The following CNTNAP4 variants were observed in gnomAD, a reference collection of about 807,000 sequenced individuals.
The protein encoded by CNTNAP4 is contactin associated protein family member 4, also known as contactin-associated protein-like 4.
In CNTNAP4, 98 loss-of-function variants were observed where a neutral mutation model predicts 148.4. That is an observed-to-expected ratio of 0.66 (90% CI 0.56 to 0.78). The LOEUF (loss-of-function observed/expected upper bound fraction) is 0.78, where lower values mean the gene tolerates loss of function less well. Among genes scored for constraint, CNTNAP4 ranks in the 30% least tolerant of loss-of-function variants. The pLI is 0.00. For missense variants in CNTNAP4, 1,935 were observed against 1,565.6 expected (o/e 1.24, Z -3.98); for synonymous variants, 730 against 565.1 (o/e 1.29, Z -4.14).
chr16:76,514,657 T>C (rs914512622), intron 15 of CNTNAP4, among the ~76,000 whole-genome samples: 1 of 143,022 alleles, frequency 7.0e-6, no homozygotes, highest in Non-Finnish European at 1.6e-5. Flanking sequence ...AACCACAAGC[T>C]ATAATTATCT....
chr16:76,517,686 G>C (rs560470468), intron 15 of CNTNAP4, among the ~76,000 whole-genome samples: 197 of 152,178 alleles, frequency 1.3e-3, no homozygotes, highest in Non-Finnish European at 2.3e-3. Flanking sequence ...TTCATATATT[G>C]CACAATTCAG....
intron 3 of CNTNAP4, among the ~76,000 whole-genome samples, chr16:76,360,434 T>C (rs1030698145): frequency 6.6e-6 from 1 of 152,192 alleles, no homozygotes; most frequent in Non-Finnish European, 1.5e-5. Flanking sequence ...GCAAAAGAGA[T>C]ATAAGCTGTA....
intron 2 of CNTNAP4, among the ~76,000 whole-genome samples, chr16:76,340,946 G>C (rs980503171): frequency 6.6e-6 from 1 of 152,048 alleles, no homozygotes; most frequent in African/African-American, 2.4e-5. Context: ...CTTAAGATTG[G>C]CTCCTGCTCA....
At chr16:76,364,079 A>C (rs1490707259) in intron 3 of CNTNAP4, among the ~76,000 whole-genome samples, 1 of 151,922 alleles carries the variant, frequency 6.6e-6, no homozygotes, top group African/African-American at 2.4e-5. Context: ...TCTATTAAGA[A>C]TACAAAAATT....
intron 12 of CNTNAP4, among the ~76,000 whole-genome samples, chr16:76,487,645 T>C (rs76290350): frequency 0.02 from 3,028 of 152,316 alleles, 41 homozygotes; most frequent in Non-Finnish European, 0.027. Context: ...GACAATTTCA[T>C]TGTGTCTGTT....
chr16:76,464,674 G>T (rs142060771), intron 9 of CNTNAP4, among the ~76,000 whole-genome samples: 89 of 152,252 alleles, frequency 5.8e-4, no homozygotes, highest in African/African-American at 1.9e-3. Context: ...CAACAGCCCG[G>T]GTTATACCTC....
At chr16:76,360,865 GGA>G (rs1244683418) in intron 3 of CNTNAP4, among the ~76,000 whole-genome samples, 2 of 138,366 alleles carry the variant, frequency 1.4e-5, no homozygotes, top group African/African-American at 5.4e-5. Context: ...TGCCCAGGCT[GGA>G]GTGCAGTGGC....
At chr16:76,344,262 A>G (rs1419154914) in intron 2 of CNTNAP4, among the ~76,000 whole-genome samples, 1 of 152,150 alleles carries the variant, frequency 6.6e-6, no homozygotes, top group Non-Finnish European at 1.5e-5. Context: ...GTGATGCCCA[A>G]TGAATGTGAA....
chr16:76,465,744 TGTA>T (rs564129617), intron 9 of CNTNAP4, among the ~76,000 whole-genome samples: 1 of 152,338 alleles, frequency 6.6e-6, no homozygotes, highest in Admixed American at 6.5e-5. Flanking sequence ...TGGAAATGTG[TGTA>T]GTACCATGTA....
intron 1 of CNTNAP4, among the ~76,000 whole-genome samples, chr16:76,310,095 T>C (rs1351685228): frequency 1.3e-5 from 2 of 152,140 alleles, no homozygotes; most frequent in Non-Finnish European, 2.9e-5. Flanking sequence ...CCTGGGCTAG[T>C]TGCTACAGGT....
At chr16:76,488,817 TATC>T (rs1262076241) in intron 12 of CNTNAP4, among the ~76,000 whole-genome samples, 2 of 152,216 alleles carry the variant, frequency 1.3e-5, no homozygotes, top group Non-Finnish European at 2.9e-5. Context: ...ATCACATGCC[TATC>T]ATCTGTTACA....
intron 1 of CNTNAP4, among the ~76,000 whole-genome samples, chr16:76,281,716 A>G (rs1958694525): frequency 6.6e-6 from 1 of 151,996 alleles, no homozygotes; most frequent in Admixed American, 6.6e-5. Flanking sequence ...CAGGTTGGTA[A>G]ACTGTGGCCC....
intron 17 of CNTNAP4, among the ~76,000 whole-genome samples, chr16:76,527,369 A>C (rs778998745): frequency 6.6e-6 from 1 of 152,118 alleles, no homozygotes; most frequent in South Asian, 2.1e-4. Flanking sequence ...CTCTACTTCA[A>C]TCCAATATAA....
intron 10 of CNTNAP4, among the ~76,000 whole-genome samples, chr16:76,472,081 A>G (rs948469616): frequency 6.7e-6 from 1 of 149,820 alleles, no homozygotes; most frequent in South Asian, 2.1e-4. Context: ...TTCACAAGCA[A>G]TGGAAAGGAT....
intron 17 of CNTNAP4, among the ~76,000 whole-genome samples, chr16:76,534,521 G>A (rs199555188): frequency 3.9e-5 from 6 of 152,034 alleles, no homozygotes; most frequent in Admixed American, 1.3e-4. Flanking sequence ...CTCTTTTCCC[G>A]CTTCAAGTTC....
Position 76,428,396 on chromosome 16 carries a change from A to G in CNTNAP4, c.538+797A>G, listed in dbSNP as rs1228416911. ...TATGAAATAATCTGGAAGAGAACCC[A>G]GGACTGCTCAATTCACGACATCGTT... is the stretch of plus-strand genomic sequence containing the variant. On this transcript the variant is annotated intron_variant, in intron 4 of 23. Transcript: ENST00000611870. Among the ~76,000 whole-genome samples the G allele has an allele frequency of 5.3e-5, 8 of 151,234 alleles. No homozygotes were observed. The Admixed American group carries it at 5.3e-4, about 10-fold the overall frequency.
intron 13 of CNTNAP4, among the ~76,000 whole-genome samples, chr16:76,492,212 T>C (rs983250625): frequency 7.2e-5 from 11 of 152,196 alleles, no homozygotes; most frequent in Admixed American, 1.3e-4. Context: ...TTAACAACAA[T>C]GTATTGTATA....
At chr16:76,368,903 G>A (rs1174163809) in intron 3 of CNTNAP4, among the ~76,000 whole-genome samples, 1 of 152,192 alleles carries the variant, frequency 6.6e-6, no homozygotes, top group South Asian at 2.1e-4. Flanking sequence ...CAATGGCTGC[G>A]TTAGACCAGT....
intron 3 of CNTNAP4, among the ~76,000 whole-genome samples, chr16:76,382,162 G>A (rs1319626020): frequency 6.7e-6 from 1 of 148,382 alleles, no homozygotes; most frequent in African/African-American, 2.5e-5. Context: ...TTTTTAACAT[G>A]CCTTGTTTTT....
Sources: gnomAD v4.1 joint callset for allele counts (sites outside exome capture counted in the v4.1 genomes callset) on GRCh38, gnomAD v4.1.1 for gene constraint, MANE v1.5 for transcripts, NCBI Gene and HGNC (gene_info 2026-07-23, HGNC 2026-07-21) for gene names.